SNX29: variants seen among roughly 807,000 people sequenced by gnomAD.
SNX29 encodes sorting nexin-29.
SNX29 carries 78 observed loss-of-function variants against 102.1 expected under a neutral mutation model. The ratio of observed to expected loss-of-function variants is 0.76; its 90% CI spans 0.64 to 0.92. The LOEUF (loss-of-function observed/expected upper bound fraction) is 0.92, where lower values mean the gene tolerates loss of function less well. Among genes scored for constraint, SNX29 ranks in the 40% least tolerant of loss-of-function variants. The pLI, the probability that SNX29 is intolerant of heterozygous loss-of-function variation, is 0.00. For missense variants in SNX29, 1,280 were observed against 1,061.7 expected (o/e 1.21, Z -2.86); for synonymous variants, 580 against 414.5 (o/e 1.40, Z -4.85).
At chr16:11,978,327 C>T (rs148555646) in intron 1 of SNX29, among the ~76,000 whole-genome samples, 4 of 152,292 alleles carry the variant, frequency 2.6e-5, no homozygotes, top group Non-Finnish European at 5.9e-5. Context: ...AAGTGCAGGC[C>T]CTGAGGCCAG....
chr16:12,407,672 C>G (rs114158450), intron 18 of SNX29, among the ~76,000 whole-genome samples: 3,051 of 152,286 alleles, frequency 0.02, 76 homozygotes, highest in African/African-American at 0.053. Flanking sequence ...GTAAGAAACT[C>G]TTACCCCATT....
In SNX29 at chr16:12,246,902, C is replaced by G. The variant is rs73504151; in HGVS notation, c.1679-31031C>G. ...TGTGGGAGAGGAAGGTGTCCCCTCC[C>G]CTCGGCAGGTTTGTCTCCTTGCCTT... On this transcript the variant is annotated intron_variant, in intron 14 of 20. Transcript: ENST00000566228. Among the ~76,000 whole-genome samples the G allele has an allele frequency of 4.8e-3, 729 of 152,220 alleles. 9 individuals are homozygous for G. The highest frequency in any genetic ancestry group is 0.017 in the African/African-American group (692 of 41,520).
At chr16:12,163,357 C>T (rs2055875255) in intron 13 of SNX29, among the ~76,000 whole-genome samples, 1 of 152,024 alleles carries the variant, frequency 6.6e-6, no homozygotes, top group Admixed American at 6.6e-5. Flanking sequence ...GGGAGGAGGG[C>T]TTTACGAGAA....
At chr16:12,261,078 GGAGT>G (rs2078737208) in intron 14 of SNX29, among the ~76,000 whole-genome samples, 1 of 147,178 alleles carries the variant, frequency 6.8e-6, no homozygotes, top group Non-Finnish European at 1.5e-5. Flanking sequence ...GTCCCTGGCT[GGAGT>G]GAGTGTTTGC....
rs748557407 is a variant in SNX29 at position 12,048,446 on chromosome 16, G to C, written c.574G>C (p.Val192Leu). 1 of 1,613,754 alleles carries C rather than the reference G, an allele frequency of 6.2e-7. No individual in the cohort carries two copies. Among genetic ancestry groups the C allele is most frequent in the African/African-American group, 1.3e-5 (1 of 74,870 alleles). Reference sequence around the variant, plus strand: ...CGGGCAGAGTAAGTTTGCTCCCACCGTTTCAGACCTCTTAAAGGAGTCAAC... The same window carrying C: ...CGGGCAGAGTAAGTTTGCTCCCACCCTTTCAGACCTCTTAAAGGAGTCAAC... ...LNGQSKFAPTVSDLLKESTQN... is the reference protein window; with the variant it reads ...LNGQSKFAPTLSDLLKESTQN... The change falls in exon 7 of 21, where the codon GTT becomes CTT. Residue 192 changes from valine to leucine, a missense_variant. Val to Leu is a conservative substitution (Grantham distance 32). Coordinates refer to ENST00000566228, the MANE Select transcript of SNX29 (RefSeq NM_032167.5).
At chr16:11,984,482 T>C (rs2150966159) in intron 1 of SNX29, among the ~76,000 whole-genome samples, 1 of 152,280 alleles carries the variant, frequency 6.6e-6, no homozygotes, top group East Asian at 1.9e-4. Context: ...GACAAAACTT[T>C]ACCACATTGC....
chr16:12,090,987 C>T (rs926577942), intron 11 of SNX29, among the ~76,000 whole-genome samples: 10 of 116,266 alleles, frequency 8.6e-5, no homozygotes, highest in South Asian at 5.9e-4. Flanking sequence ...TGCACTCCAG[C>T]GTGGGCGACA....
intron 18 of SNX29, among the ~76,000 whole-genome samples, chr16:12,425,634 C>T (rs1441461027): frequency 6.6e-6 from 1 of 151,386 alleles, no homozygotes; most frequent in African/African-American, 2.4e-5. Flanking sequence ...AAATCCAACA[C>T]GGATGGACAG....
chr16:12,346,474 C>G (rs1597013684), intron 15 of SNX29, among the ~76,000 whole-genome samples: 1 of 152,190 alleles, frequency 6.6e-6, no homozygotes, highest in East Asian at 1.9e-4. Flanking sequence ...AGGTAAGTTG[C>G]CCAAAGTCAC....
chr16:12,240,657 C>T lies in SNX29; in HGVS notation c.1679-37276C>T, dbSNP rs140500734. On this transcript the variant is annotated intron_variant, in intron 14 of 20. Transcript: ENST00000566228. ...TGTCACCCAGGCTGGAGTGCAGCGGCATGATCTCAGCTTACTGCAACCTCT... is the reference window on the plus strand; with the variant it reads ...TGTCACCCAGGCTGGAGTGCAGCGGTATGATCTCAGCTTACTGCAACCTCT... Among the ~76,000 whole-genome samples, 523 of 127,320 alleles carry T rather than the reference C, an allele frequency of 4.1e-3. 4 individuals carry two copies. The highest frequency in any genetic ancestry group is 0.015 in the African/African-American group (496 of 32,954). The allele number at this position is 127,320 out of a possible 152,430, so 83.5% of individuals were successfully genotyped here.
rs139973963 is a variant in SNX29 at position 12,181,367 on chromosome 16, C to G, written c.1596-18234C>G. The stretch of plus-strand genomic sequence containing the variant: ...AACATATGCAAGATGAACATTGGTT[C>G]GGTCTGGAAGGCGGGACAACTCGAA... On this transcript the variant is annotated intron_variant, in intron 13 of 20. Coordinates refer to ENST00000566228, the MANE Select transcript of SNX29 (RefSeq NM_032167.5). Among the ~76,000 whole-genome samples, 849 of 152,246 alleles carry G rather than the reference C, an allele frequency of 5.6e-3. 6 individuals are homozygous for G. The highest frequency in any genetic ancestry group is 0.019 in the African/African-American group (808 of 41,550).
chr16:12,228,284 G>A lies in SNX29; in HGVS notation c.1678+28601G>A, dbSNP rs144495715. Among the ~76,000 whole-genome samples the A allele has an allele frequency of 2.0e-5, 3 of 152,344 alleles. No homozygotes were observed. In the East Asian group the frequency reaches 5.8e-4, roughly 29 times the overall value. ...TATTCTCCCTTCCACACCCATGGCA[G>A]GCATCATTAATCAAACAGGATACTT... On this transcript the variant is annotated intron_variant, in intron 14 of 20. Transcript: ENST00000566228.
At chr16:12,355,302 C>T (rs1263577561) in intron 15 of SNX29, among the ~76,000 whole-genome samples, 1 of 152,188 alleles carries the variant, frequency 6.6e-6, no homozygotes, top group Non-Finnish European at 1.5e-5. Context: ...GTTTTTTCCA[C>T]AGAGCTTCTC....
chr16:12,541,813 C>CAA (rs2077355403), intron 20 of SNX29, among the ~76,000 whole-genome samples: 2 of 152,156 alleles, frequency 1.3e-5, no homozygotes, highest in Admixed American at 6.5e-5. Context: ...GGGCAGGAAC[C>CAA]AAGCTCGCCT....
At chr16:12,097,189 C>G (rs1596870670) in intron 11 of SNX29, among the ~76,000 whole-genome samples, 2 of 152,348 alleles carry the variant, frequency 1.3e-5, no homozygotes, top group South Asian at 4.1e-4. Context: ...CACCCGTTAA[C>G]TCACGCATGT....
intron 15 of SNX29, among the ~76,000 whole-genome samples, chr16:12,282,030 G>T (rs192080024): frequency 6.9e-6 from 1 of 144,514 alleles, no homozygotes; most frequent in African/African-American, 2.6e-5. Flanking sequence ...GTTGCAGTGA[G>T]CTGGGATCAT....
At chr16:12,384,446 T>G (rs551875554) in intron 16 of SNX29, among the ~76,000 whole-genome samples, 2 of 152,366 alleles carry the variant, frequency 1.3e-5, no homozygotes, top group East Asian at 1.9e-4. Context: ...CATTGTAGTT[T>G]TGATCTGCGT....
chr16:12,354,746 GTGTT>G (rs770239230), intron 15 of SNX29, among the ~76,000 whole-genome samples: 19 of 152,288 alleles, frequency 1.2e-4, no homozygotes, highest in Admixed American at 2.6e-4. Context: ...TAGCAGTACT[GTGTT>G]TGTTTGTTAA....
chr16:12,517,837 C>A (rs1425502081), intron 19 of SNX29, among the ~76,000 whole-genome samples: 1 of 151,990 alleles, frequency 6.6e-6, no homozygotes, highest in Non-Finnish European at 1.5e-5. Flanking sequence ...CTGGCATGTC[C>A]CGAGAGGTCT....
Sources: gnomAD v4.1 joint callset for allele counts (sites outside exome capture counted in the v4.1 genomes callset) on GRCh38, gnomAD v4.1.1 for gene constraint, MANE v1.5 for transcripts, NCBI Gene and HGNC (gene_info 2026-07-23, HGNC 2026-07-21) for gene names.